Variants in STPG4 observed in about 807,000 individuals in gnomAD.
STPG4 encodes the protein protein STPG4.
A neutral mutation model predicts 31.5 loss-of-function variants in STPG4; 41 were observed. The ratio of observed to expected loss-of-function variants is 1.30; its 90% CI spans 1.01 to 1.69. STPG4 has a LOEUF of 1.69. Ranked by LOEUF, STPG4 falls within the 40% of genes most tolerant of loss-of-function variation. The probability of loss-of-function intolerance (pLI) is 0.00; values close to 1 mark genes in which losing one functional copy is unlikely to be tolerated. For missense variants in STPG4, 375 were observed against 293.4 expected (o/e 1.28, Z -2.03); for synonymous variants, 141 against 103.0 (o/e 1.37, Z -2.24).
chr2:47,123,593 GGT>G (rs1686314283), intron 5 of STPG4, among the ~76,000 whole-genome samples: 1 of 152,080 alleles, frequency 6.6e-6, no homozygotes, highest in Non-Finnish European at 1.5e-5. Flanking sequence ...CTGAGAAAGT[GGT>G]ATTTCAGTCA....
chr2:47,131,498 G>A (rs1424839183), intron 3 of STPG4, among the ~76,000 whole-genome samples: 6 of 152,194 alleles, frequency 3.9e-5, no homozygotes, highest in African/African-American at 1.4e-4. Context: ...CTGGGGTAAA[G>A]CGCAGCACTA....
intron 3 of STPG4, among the ~76,000 whole-genome samples, chr2:47,147,326 G>A (rs746908033): frequency 2.6e-5 from 4 of 152,124 alleles, no homozygotes; most frequent in Non-Finnish European, 5.9e-5. Flanking sequence ...AGTAAAAGAT[G>A]AGCAGTTAGG....
intron 5 of STPG4, among the ~76,000 whole-genome samples, chr2:47,114,077 G>C (rs1292696228): frequency 6.6e-6 from 1 of 151,270 alleles, no homozygotes; most frequent in African/African-American, 2.4e-5. Context: ...ATTTAGAAAA[G>C]ACTATGCATT....
chr2:47,132,767 TTC>T (rs35681492), intron 3 of STPG4, among the ~76,000 whole-genome samples: 2 of 151,508 alleles, frequency 1.3e-5, no homozygotes, highest in African/African-American at 2.4e-5. Context: ...TTATGCTTCT[TTC>T]TCTCTCTCTC....
intron 2 of STPG4, among the ~76,000 whole-genome samples, chr2:47,152,636 C>A (rs1308309623): frequency 6.6e-6 from 1 of 152,168 alleles, no homozygotes; most frequent in Non-Finnish European, 1.5e-5. Flanking sequence ...AACCAAAACA[C>A]CTTTCCAGAA....
chr2:47,103,988 G>A (rs1342740254), intron 5 of STPG4, among the ~76,000 whole-genome samples: 1 of 151,980 alleles, frequency 6.6e-6, no homozygotes, highest in East Asian at 1.9e-4. Flanking sequence ...CTCCTCAGTT[G>A]TAATTGGGAG....
At chr2:47,106,195 G>C (rs1341901174) in intron 5 of STPG4, among the ~76,000 whole-genome samples, 1 of 151,804 alleles carries the variant, frequency 6.6e-6, no homozygotes, top group East Asian at 1.9e-4. Flanking sequence ...TAAAAGCCAG[G>C]GTAAATTTCT....
At chr2:47,130,521 T>C (rs1330012279) in intron 3 of STPG4, among the ~76,000 whole-genome samples, 2 of 152,222 alleles carry the variant, frequency 1.3e-5, no homozygotes, top group African/African-American at 4.8e-5. Flanking sequence ...ACAGTTTTTC[T>C]TTTTATTTTT....
intron 6 of STPG4, among the ~76,000 whole-genome samples, chr2:47,089,890 TG>T (rs1685534294): frequency 6.6e-6 from 1 of 152,192 alleles, no homozygotes; most frequent in Admixed American, 6.5e-5. Flanking sequence ...TTTGCTTCCT[TG>T]GGCTCCCAGA....
At chr2:47,126,295 C>T (rs1456900735) in intron 5 of STPG4, among the ~76,000 whole-genome samples, 1 of 150,960 alleles carries the variant, frequency 6.6e-6, no homozygotes, top group African/African-American at 2.4e-5. Context: ...CCTCCTCTTC[C>T]TCTTCTTCTT....
intron 3 of STPG4, among the ~76,000 whole-genome samples, chr2:47,131,122 T>C (rs1031785521): frequency 6.8e-6 from 1 of 147,820 alleles, no homozygotes; most frequent in Non-Finnish European, 1.5e-5. Context: ...CCTGATCACA[T>C]CTTATTTTTA....
intron 5 of STPG4, among the ~76,000 whole-genome samples, chr2:47,100,285 T>C (rs1685767295): frequency 6.6e-6 from 1 of 151,338 alleles, no homozygotes; most frequent in African/African-American, 2.4e-5. Context: ...TCAAGGTTTG[T>C]AAACACACCA....
intron 1 of STPG4, among the ~76,000 whole-genome samples, chr2:47,154,724 C>G (rs1478563104): frequency 6.6e-6 from 1 of 152,098 alleles, no homozygotes; most frequent in Admixed American, 6.5e-5. Flanking sequence ...GAGCGAGACT[C>G]TAAAAGAAAA....
At chr2:47,151,190 T>C in intron 3 of STPG4, 68 bp downstream of exon 3, 2 of 1,567,612 alleles carry the variant, frequency 1.3e-6, no homozygotes, top group South Asian at 2.3e-5. Context: ...ACTCTACGTA[T>C]AAAAATACTT....
chr2:47,092,986 T>A (rs990759730), intron 5 of STPG4, among the ~76,000 whole-genome samples: 2 of 152,048 alleles, frequency 1.3e-5, no homozygotes, highest in African/African-American at 4.8e-5. Context: ...AGAGATGGGG[T>A]TTCACCATAT....
At chr2:47,092,521 C>CAAGAAAACAAAA (rs1685588659) in intron 5 of STPG4, among the ~76,000 whole-genome samples, 1 of 117,292 alleles carries the variant, frequency 8.5e-6, no homozygotes, top group Admixed American at 8.7e-5. Flanking sequence ...GAATGAGACC[C>CAAGAAAACAAAA]AAGAAAAGAA....
chr2:47,144,794 A>G (rs10175741), intron 3 of STPG4, among the ~76,000 whole-genome samples: 119,493 of 151,980 alleles, frequency 0.79, 47,126 homozygotes, highest in East Asian at 0.92. Context: ...GCAGTGGCGC[A>G]ACCTCGGCTC....
At chr2:47,124,663 T>G (rs1388216301) in intron 5 of STPG4, among the ~76,000 whole-genome samples, 2 of 152,230 alleles carry the variant, frequency 1.3e-5, no homozygotes, top group East Asian at 3.8e-4. Context: ...ATTTTCTTTA[T>G]CCATTCATCT....
intron 5 of STPG4, chr2:47,129,644 T>C: frequency 3.4e-6 from 1 of 290,380 alleles, no homozygotes; most frequent in East Asian, 7.2e-5. Flanking sequence ...GCCACGTGGC[T>C]GCTGCCAGGG....
Sources: allele counts gnomAD v4.1 joint callset (sites outside exome capture counted in the v4.1 genomes callset), GRCh38; gene constraint gnomAD v4.1.1; transcripts MANE v1.5; gene names NCBI Gene and HGNC (gene_info 2026-07-23, HGNC 2026-07-21).